The following CNTN5 variants were observed in gnomAD, a reference collection of about 807,000 sequenced individuals.
CNTN5 encodes contactin 5.
Under a neutral mutation model 129.1 loss-of-function variants are expected in CNTN5, and 77 were observed. The observed-to-expected ratio is 0.60, with a 90% CI of 0.50 to 0.72. The LOEUF is 0.72. Ranked by LOEUF, CNTN5 falls within the 30% of genes least tolerant of loss-of-function variation. The pLI is 0.00. For synonymous variants in CNTN5, 509 were observed against 465.6 expected (o/e 1.09, Z -1.20); for missense variants, 1,478 against 1,328.8 (o/e 1.11, Z -1.75).
At chr11:99,598,315 T>TG in intron 3 of CNTN5, among the ~76,000 whole-genome samples, 1 of 27,366 alleles carries the variant, frequency 3.7e-5, no homozygotes, top group Non-Finnish European at 7.1e-5. Flanking sequence ...TTTTCTTTTC[T>TG]TTTCTTTTCT....
intron 6 of CNTN5, among the ~76,000 whole-genome samples, chr11:99,847,778 G>C (rs1022355853): frequency 1.3e-5 from 2 of 152,188 alleles, no homozygotes; most frequent in African/African-American, 4.8e-5. Flanking sequence ...ACCTGGATGG[G>C]AGTTTGGGTG....
chr11:99,602,090 T>A (rs546701220), intron 3 of CNTN5, among the ~76,000 whole-genome samples: 2 of 152,174 alleles, frequency 1.3e-5, no homozygotes, highest in Non-Finnish European at 2.9e-5. Flanking sequence ...ATTCATCAGA[T>A]AAAGTACAAG....
rs531433523 is a variant in CNTN5 at position 99,925,298 on chromosome 11, C to T, written c.673+9149C>T. ...AGTAAGTGCATAAAGTGAGTATTTG[C>T]AGACTAAACTTATTTTATTTCTGCA... On this transcript the variant is annotated intron_variant, in intron 7 of 24. Coordinates refer to ENST00000524871, the MANE Select transcript of CNTN5 (RefSeq NM_014361.4). Among the ~76,000 whole-genome samples, 21 of 152,228 alleles carry T rather than the reference C, an allele frequency of 1.4e-4. No individual in the cohort carries two copies. In the South Asian group the frequency reaches 4.1e-3, roughly 30 times the overall value.
chr11:100,336,779 C>T (rs998126974), intron 21 of CNTN5: 20 of 316,402 alleles, frequency 6.3e-5, no homozygotes, highest in African/African-American at 4.3e-4. Flanking sequence ...GGTACGGCAG[C>T]CTCCGGATTC....
chr11:99,660,545 T>G (rs1952557635), intron 3 of CNTN5, among the ~76,000 whole-genome samples: 1 of 152,092 alleles, frequency 6.6e-6, no homozygotes, highest in Non-Finnish European at 1.5e-5. Context: ...ATAGCCTAAA[T>G]AGTAGGTGAT....
At chr11:99,342,704 T>C (rs967013992) in intron 2 of CNTN5, among the ~76,000 whole-genome samples, 1 of 150,582 alleles carries the variant, frequency 6.6e-6, no homozygotes, top group Non-Finnish European at 1.5e-5. Flanking sequence ...GCACTCCAGC[T>C]TGGGCAACAG....
intron 6 of CNTN5, among the ~76,000 whole-genome samples, chr11:99,876,656 A>G (rs1210967525): frequency 1.3e-5 from 2 of 152,230 alleles, no homozygotes; most frequent in African/African-American, 2.4e-5. Context: ...AGCATGAATA[A>G]CATAGTATAA....
intron 1 of CNTN5, among the ~76,000 whole-genome samples, chr11:99,321,846 T>C (rs1865585191): frequency 6.6e-6 from 1 of 152,124 alleles, no homozygotes; most frequent in Non-Finnish European, 1.5e-5. Flanking sequence ...GGATTCATGT[T>C]TTGGGCACCA....
intron 21 of CNTN5, among the ~76,000 whole-genome samples, chr11:100,313,610 G>C (rs142444526): frequency 3.3e-3 from 502 of 152,116 alleles, no homozygotes; most frequent in Admixed American, 7.8e-3. Flanking sequence ...CAAATTGAGA[G>C]AACAGGGCTG....
At chr11:100,213,195 A>G (rs1015005792) in intron 15 of CNTN5, among the ~76,000 whole-genome samples, 6 of 149,988 alleles carry the variant, frequency 4.0e-5, no homozygotes, top group African/African-American at 1.5e-4. Flanking sequence ...ACAATGAAAC[A>G]ATCAAGCCCT....
chr11:99,046,800 TCTTA>T (rs1304739226), intron 1 of CNTN5, among the ~76,000 whole-genome samples: 1 of 152,076 alleles, frequency 6.6e-6, no homozygotes, highest in African/African-American at 2.4e-5. Flanking sequence ...TACTCAAACA[TCTTA>T]CTAATAATGC....
At chr11:99,915,975 A>T in intron 6 of CNTN5, 79 bp from the exon 7 acceptor site, 1 of 1,102,786 alleles carries the variant, frequency 9.1e-7, no homozygotes, top group Non-Finnish European at 1.3e-6. Flanking sequence ...TAACGATAGA[A>T]AGTAAGTACA....
At chr11:100,003,339 G>A (rs563060951) in intron 9 of CNTN5, among the ~76,000 whole-genome samples, 11 of 152,204 alleles carry the variant, frequency 7.2e-5, no homozygotes, top group African/African-American at 2.6e-4. Context: ...TTAGTTAAGC[G>A]CATAAGATTG....
intron 3 of CNTN5, among the ~76,000 whole-genome samples, chr11:99,807,005 C>G (rs1173336637): frequency 6.6e-6 from 1 of 151,708 alleles, no homozygotes; most frequent in African/African-American, 2.4e-5. Flanking sequence ...TTTTAAGAAT[C>G]AAGGAAAACA....
chr11:100,331,922 A>G (rs1173754061), intron 21 of CNTN5, among the ~76,000 whole-genome samples: 1 of 152,248 alleles, frequency 6.6e-6, no homozygotes, highest in African/African-American at 2.4e-5. Context: ...GTCACACTTC[A>G]GAGAACTGAA....
At chr11:99,619,406 G>C (rs1387107920) in intron 3 of CNTN5, among the ~76,000 whole-genome samples, 4 of 151,918 alleles carry the variant, frequency 2.6e-5, no homozygotes, top group African/African-American at 9.7e-5. Flanking sequence ...TTCTATTGTG[G>C]TTAAATACAT....
chr11:99,586,305 C>A (rs540845474), intron 3 of CNTN5, among the ~76,000 whole-genome samples: 67 of 152,234 alleles, frequency 4.4e-4, no homozygotes, highest in Middle Eastern at 6.8e-3. Context: ...TCTCAAACTT[C>A]TCAGCATAAT....
intron 2 of CNTN5, among the ~76,000 whole-genome samples, chr11:99,468,200 A>G (rs569211227): frequency 1.3e-5 from 2 of 152,292 alleles, no homozygotes; most frequent in South Asian, 4.1e-4. Flanking sequence ...ACAAAAACGA[A>G]TATGCACAGC....
In CNTN5 at chr11:100,307,010, G is replaced by T. The variant is rs570773757; in HGVS notation, c.2621-1349G>T. ...TTTGGCCAAAAGAAAATCATTGCTT[G>T]GTGCAAAGGTGGACCAACCAAGTCT... On this transcript the variant is annotated intron_variant, in intron 20 of 24. Transcript: ENST00000524871. Among the ~76,000 whole-genome samples the T allele has an allele frequency of 7.6e-4, 115 of 151,682 alleles. 2 individuals carry two copies. The South Asian group carries it at 0.023, about 31-fold the overall frequency.
Sources: allele counts gnomAD v4.1 joint callset (sites outside exome capture counted in the v4.1 genomes callset), GRCh38; gene constraint gnomAD v4.1.1; transcripts MANE v1.5; gene names NCBI Gene and HGNC (gene_info 2026-07-23, HGNC 2026-07-21).